Variants in SLC38A9 observed in about 807,000 individuals in gnomAD.
SLC38A9 encodes solute carrier family 38 member 9.
Under a neutral mutation model 62.3 loss-of-function variants are expected in SLC38A9, and 48 were observed. The ratio of observed to expected loss-of-function variants is 0.77; its 90% CI spans 0.61 to 0.98. The LOEUF (loss-of-function observed/expected upper bound fraction) is 0.98, where lower values mean the gene tolerates loss of function less well. Ranked by LOEUF, SLC38A9 falls within the 50% of genes least tolerant of loss-of-function variation. The pLI, the probability that SLC38A9 is intolerant of heterozygous loss-of-function variation, is 0.00. For synonymous variants in SLC38A9, 204 were observed against 227.7 expected (o/e 0.90, Z 0.94); for missense variants, 541 against 679.8 (o/e 0.80, Z 2.27).
At chr5:55,710,812 G>A (rs949912845) in intron 2 of SLC38A9, among the ~76,000 whole-genome samples, 1 of 151,342 alleles carries the variant, frequency 6.6e-6, no homozygotes, top group South Asian at 2.1e-4. Context: ...TAGAGACGGG[G>A]TTTCACCATA....
chr5:55,678,270 T>C (rs1328571744), intron 3 of SLC38A9, among the ~76,000 whole-genome samples: 1 of 151,844 alleles, frequency 6.6e-6, no homozygotes, highest in Non-Finnish European at 1.5e-5. Context: ...CCTGAGTAGC[T>C]GGGACTATAG....
Position 55,659,136 on chromosome 5 carries a change from G to A in SLC38A9, c.698-2362C>T, listed in dbSNP as rs150312018. The stretch of plus-strand genomic sequence containing the variant: ...GGGAATGTCTTTAAATTATTAAAGG[G>A]TACAACTGATATCCCACAATAAACA... On this transcript the variant is annotated intron_variant, in intron 8 of 15. Transcript: ENST00000396865. 5.5e-3 allele frequency among the ~76,000 whole-genome samples: 831 copies of A among 151,830 alleles called. 10 individuals are homozygous for A. Among genetic ancestry groups the A allele is most frequent in the African/African-American group, 0.02 (808 of 41,394 alleles).
intron 12 of SLC38A9, among the ~76,000 whole-genome samples, chr5:55,636,521 A>G (rs941251324): frequency 6.6e-6 from 1 of 152,240 alleles, no homozygotes; most frequent in Non-Finnish European, 1.5e-5. Context: ...TTCATTTTAA[A>G]CAAAAATTAC....
chr5:55,630,603 A>G (rs968984453), intron 14 of SLC38A9, among the ~76,000 whole-genome samples: 1 of 152,182 alleles, frequency 6.6e-6, no homozygotes, highest in Non-Finnish European at 1.5e-5. Flanking sequence ...GGTGTGAGCC[A>G]CCACGAACGG....
intron 11 of SLC38A9, among the ~76,000 whole-genome samples, chr5:55,647,236 A>C (rs1345372488): frequency 6.6e-6 from 1 of 151,904 alleles, no homozygotes; most frequent in African/African-American, 2.4e-5. Context: ...ATAATCTCTA[A>C]ATGTTCTGCA....
chr5:55,710,671 G>A (rs1023689708), intron 2 of SLC38A9, among the ~76,000 whole-genome samples: 2 of 150,612 alleles, frequency 1.3e-5, no homozygotes, highest in South Asian at 4.2e-4. Flanking sequence ...GCTGGAGTGC[G>A]GTGGCACGAT....
At chr5:55,692,723 T>A in intron 3 of SLC38A9, 2 of 985,270 alleles carry the variant, frequency 2.0e-6, no homozygotes, top group Non-Finnish European at 2.4e-6. Context: ...CCTGCCAACT[T>A]ACTGTAATGG....
At chr5:55,690,505 C>G (rs1272921886) in intron 3 of SLC38A9, among the ~76,000 whole-genome samples, 3 of 152,212 alleles carry the variant, frequency 2.0e-5, no homozygotes, top group Non-Finnish European at 4.4e-5. Context: ...GCACTAGCCA[C>G]TGATTAATGA....
intron 10 of SLC38A9, 137 bp from the exon 11 acceptor site, chr5:55,649,451 G>A: frequency 1.9e-6 from 1 of 515,332 alleles, no homozygotes; most frequent in South Asian, 4.1e-5. Flanking sequence ...CTAACACCCA[G>A]CTGGGATCTA....
intron 2 of SLC38A9, among the ~76,000 whole-genome samples, chr5:55,702,191 G>A (rs1756752480): frequency 6.6e-6 from 1 of 152,018 alleles, no homozygotes; most frequent in Admixed American, 6.6e-5. Context: ...GACTATCTCT[G>A]CATCTTCAAA....
intron 12 of SLC38A9, among the ~76,000 whole-genome samples, chr5:55,645,285 G>A (rs1746139765): frequency 6.6e-6 from 1 of 152,040 alleles, no homozygotes; most frequent in South Asian, 2.1e-4. Flanking sequence ...GAATTCCTGG[G>A]CTCAAGTGAT....
intron 8 of SLC38A9, among the ~76,000 whole-genome samples, chr5:55,661,288 C>CA (rs1236469378): frequency 1.3e-5 from 2 of 151,562 alleles, no homozygotes; most frequent in African/African-American, 2.4e-5. Context: ...ACTAAAAATA[C>CA]AAAAACATTA....
At position 55,626,180 on chromosome 5, in the gene SLC38A9, C is replaced by T. The variant is rs1045395204; in HGVS notation, c.*314G>A. The T allele has an allele frequency of 1.6e-5, 3 of 190,886 alleles. No individual in the cohort carries two copies. Among genetic ancestry groups the T allele is most frequent in the Non-Finnish European group, 3.2e-5 (3 of 92,596 alleles). 11.8% of individuals were successfully genotyped at this position (190,886 alleles called of 1,614,324 possible). A position where few individuals can be genotyped will look rare whatever the true frequency, so the allele number is the denominator to read the frequency against. On this transcript the variant is annotated 3_prime_UTR_variant, in exon 16 of 16. Transcript: ENST00000396865. ...ATCTTTACTGCAGGCAAAATAAATCCACCACCTTTTATCTCTAAAAGCAAA... is the reference window on the plus strand; with the variant it reads ...ATCTTTACTGCAGGCAAAATAAATCTACCACCTTTTATCTCTAAAAGCAAA...
intron 11 of SLC38A9, among the ~76,000 whole-genome samples, chr5:55,646,837 A>C (rs919453981): frequency 1.3e-5 from 2 of 152,152 alleles, no homozygotes; most frequent in Non-Finnish European, 2.9e-5. Context: ...TACAGCCCCA[A>C]CTTTCTGGGC....
chr5:55,662,346 C>T (rs1209895820), intron 8 of SLC38A9, among the ~76,000 whole-genome samples: 1 of 152,044 alleles, frequency 6.6e-6, no homozygotes, highest in Non-Finnish European at 1.5e-5. Flanking sequence ...TGATGAAAGA[C>T]AGAAAGCAAG....
chr5:55,652,960 C>A (rs1003887452), intron 9 of SLC38A9, among the ~76,000 whole-genome samples: 1 of 151,950 alleles, frequency 6.6e-6, no homozygotes, highest in Non-Finnish European at 1.5e-5. Flanking sequence ...GAGATATTAT[C>A]ATTATTTTTA....
At chr5:55,702,906 CAAAT>C (rs1396456572) in intron 2 of SLC38A9, 19 of 151,708 alleles carry the variant, frequency 1.3e-4, no homozygotes, top group Non-Finnish European at 1.5e-5. Flanking sequence ...TAAAGACAAA[CAAAT>C]AAAGTTAAAT....
intron 3 of SLC38A9, among the ~76,000 whole-genome samples, chr5:55,679,303 G>C (rs1367302193): frequency 6.6e-6 from 1 of 151,988 alleles, no homozygotes; most frequent in Admixed American, 6.6e-5. Flanking sequence ...TAAACACTTG[G>C]TTGAAGATTA....
chr5:55,691,136 A>C (rs1247137811), intron 3 of SLC38A9: 2 of 722,934 alleles, frequency 2.8e-6, no homozygotes, highest in African/African-American at 1.7e-5. Flanking sequence ...GAGCACCTGA[A>C]ATGTTCTCAG....
Sources: gnomAD v4.1 joint callset for allele counts (sites outside exome capture counted in the v4.1 genomes callset) on GRCh38, gnomAD v4.1.1 for gene constraint, MANE v1.5 for transcripts, NCBI Gene and HGNC (gene_info 2026-07-23, HGNC 2026-07-21) for gene names.